Variants in MACROD2 observed in about 807,000 individuals in gnomAD.
MACROD2 encodes the protein ADP-ribose glycohydrolase MACROD2.
MACROD2 carries 36 observed loss-of-function variants against 70.4 expected under a neutral mutation model. The ratio of observed to expected loss-of-function variants is 0.51; its 90% CI spans 0.39 to 0.68. MACROD2 has a LOEUF of 0.68. Ranked by LOEUF, MACROD2 falls within the 30% of genes least tolerant of loss-of-function variation. MACROD2 has a pLI of 0.00. For synonymous variants in MACROD2, 172 were observed against 178.8 expected, an observed-to-expected ratio of 0.96 and a Z score of 0.30; for missense variants, 496 against 538.4, an observed-to-expected ratio of 0.92 and a Z score of 0.78.
chr20:15,951,115 C>T (rs556900581), intron 12 of MACROD2, among the ~76,000 whole-genome samples: 2,077 of 152,128 alleles, frequency 0.014, 44 homozygotes, highest in African/African-American at 0.047. Flanking sequence ...AAAATGGAGT[C>T]TGGCCTTCTT....
intron 13 of MACROD2, among the ~76,000 whole-genome samples, chr20:15,968,836 T>TAC (rs1398186123): frequency 9.9e-6 from 1 of 101,140 alleles, no homozygotes; most frequent in African/African-American, 3.6e-5. Context: ...TATATATATA[T>TAC]ATACACACAT....
At chr20:14,779,657 T>C (rs930067122) in intron 5 of MACROD2, among the ~76,000 whole-genome samples, 3 of 152,130 alleles carry the variant, frequency 2.0e-5, no homozygotes, top group African/African-American at 7.2e-5. Flanking sequence ...AAAATAAAAT[T>C]CTATTTACCA....
chr20:15,186,925 T>C (rs1203328754), intron 5 of MACROD2, among the ~76,000 whole-genome samples: 2 of 152,264 alleles, frequency 1.3e-5, no homozygotes, highest in African/African-American at 4.8e-5. Flanking sequence ...ACGCATATTT[T>C]AACATCTGAT....
intron 5 of MACROD2, among the ~76,000 whole-genome samples, chr20:14,881,988 CAATT>C (rs1224368267): frequency 3.3e-5 from 5 of 152,176 alleles, no homozygotes; most frequent in Non-Finnish European, 5.9e-5. Context: ...TCTAAAAAGA[CAATT>C]AACTCTTGTT....
At chr20:14,154,180 A>G (rs2055061305) in intron 3 of MACROD2, among the ~76,000 whole-genome samples, 1 of 151,998 alleles carries the variant, frequency 6.6e-6, no homozygotes, top group Non-Finnish European at 1.5e-5. Context: ...GTTGTGTCTG[A>G]TTTTTAACTG....
intron 12 of MACROD2, among the ~76,000 whole-genome samples, chr20:15,961,662 G>A (rs768047160): frequency 6.6e-6 from 1 of 152,182 alleles, no homozygotes; most frequent in African/African-American, 2.4e-5. Context: ...GGTTCTTTCA[G>A]TAATACAGTC....
intron 3 of MACROD2, among the ~76,000 whole-genome samples, chr20:14,139,011 A>G (rs1477745663): frequency 6.6e-6 from 1 of 152,156 alleles, no homozygotes; most frequent in Admixed American, 6.5e-5. Flanking sequence ...TAAGAAATAA[A>G]TTTTCCTGGA....
intron 15 of MACROD2, among the ~76,000 whole-genome samples, chr20:15,987,828 TAAAG>T (rs952065613): frequency 3.9e-5 from 6 of 152,318 alleles, no homozygotes; most frequent in East Asian, 1.9e-4. Context: ...CTGAAGAACT[TAAAG>T]AATTCAATTT....
chr20:15,843,125 C>T (rs2064192035), intron 8 of MACROD2, among the ~76,000 whole-genome samples: 1 of 152,158 alleles, frequency 6.6e-6, no homozygotes, highest in Non-Finnish European at 1.5e-5. Context: ...GTAATAGTGA[C>T]TTAAATGAGG....
chr20:14,454,775 C>T (rs1425743042), intron 3 of MACROD2, among the ~76,000 whole-genome samples: 20 of 110,516 alleles, frequency 1.8e-4, no homozygotes, highest in Admixed American at 6.3e-4. Flanking sequence ...TTTTTTGAGA[C>T]GGAGTCTTGC....
intron 3 of MACROD2, among the ~76,000 whole-genome samples, chr20:14,270,729 G>C (rs1369628873): frequency 6.6e-6 from 1 of 152,132 alleles, no homozygotes; most frequent in Non-Finnish European, 1.5e-5. Flanking sequence ...GAGCCAAGAT[G>C]GCCGAATAGG....
intron 3 of MACROD2, among the ~76,000 whole-genome samples, chr20:14,455,849 T>C (rs2084295788): frequency 6.6e-6 from 1 of 151,784 alleles, no homozygotes; most frequent in South Asian, 2.1e-4. Flanking sequence ...CTAGCTGTAC[T>C]TTTTTGTTTT....
intron 5 of MACROD2, among the ~76,000 whole-genome samples, chr20:14,689,760 A>G (rs2071041641): frequency 6.6e-6 from 1 of 152,178 alleles, no homozygotes; most frequent in South Asian, 2.1e-4. Context: ...AGAATACTTC[A>G]TGTTAACATA....
intron 4 of MACROD2, among the ~76,000 whole-genome samples, chr20:14,675,229 A>G (rs1240706052): frequency 6.6e-6 from 1 of 152,186 alleles, no homozygotes; most frequent in African/African-American, 2.4e-5. Context: ...CCTTGAGAAG[A>G]GCAACCACAA....
intron 17 of MACROD2, 65 bp downstream of exon 17, chr20:16,044,704 C>A: frequency 6.9e-7 from 1 of 1,444,168 alleles, no homozygotes; most frequent in Non-Finnish European, 9.7e-7. Context: ...TTGCAAATGA[C>A]ATACTGGATT....
At chr20:14,921,847 T>A (rs570109469) in intron 5 of MACROD2, among the ~76,000 whole-genome samples, 2 of 152,228 alleles carry the variant, frequency 1.3e-5, no homozygotes, top group Non-Finnish European at 2.9e-5. Context: ...TAGCATGTAA[T>A]GTGCACTACA....
chr20:15,379,247 C>T (rs879691785), intron 6 of MACROD2, among the ~76,000 whole-genome samples: 1 of 152,156 alleles, frequency 6.6e-6, no homozygotes, highest in Non-Finnish European at 1.5e-5. Context: ...AGCATCTTCT[C>T]ATGAGATGGA....
At chr20:14,176,030 C>T (rs1041386519) in intron 3 of MACROD2, among the ~76,000 whole-genome samples, 27 of 152,256 alleles carry the variant, frequency 1.8e-4, no homozygotes, top group African/African-American at 4.3e-4. Context: ...GGGAATCCAG[C>T]GATATGTCTC....
chr20:14,689,160 C>T (rs1266017110), intron 5 of MACROD2, among the ~76,000 whole-genome samples: 1 of 152,196 alleles, frequency 6.6e-6, no homozygotes, highest in Non-Finnish European at 1.5e-5. Flanking sequence ...TAGATACCTA[C>T]ATGGCTTGTT....
Sources: gnomAD v4.1 joint callset for allele counts (sites outside exome capture counted in the v4.1 genomes callset) on GRCh38, gnomAD v4.1.1 for gene constraint, MANE v1.5 for transcripts, NCBI Gene and HGNC (gene_info 2026-07-23, HGNC 2026-07-21) for gene names.